QTMAN: variants seen among roughly 807,000 people sequenced by gnomAD.
The protein encoded by QTMAN is tRNA-queuosine alpha-mannosyltransferase.
the QTMAN span, chr2:144,178,818 G>A: frequency 1.6e-3 from 547 of 345,836 alleles, 1 homozygote; most frequent in Non-Finnish European, 2.3e-3. Flanking sequence ...AACTGATGCC[G>A]GAAGAAAAAG....
At chr2:144,241,301 T>TGGCCTGG in the QTMAN span, among the ~76,000 whole-genome samples, 1 of 152,222 alleles carries the variant, frequency 6.6e-6, no homozygotes, top group Non-Finnish European at 1.5e-5. Context: ...AGAGTAAGAA[T>TGGCCTGG]GGCCTGGTTT....
chr2:143,985,697 T>C, the QTMAN span, among the ~76,000 whole-genome samples: 1 of 152,210 alleles, frequency 6.6e-6, no homozygotes, highest in African/African-American at 2.4e-5. Context: ...GTGTATATTA[T>C]ATTAATTTAC....
the QTMAN span, among the ~76,000 whole-genome samples, chr2:144,215,749 T>C: frequency 4.5e-4 from 68 of 152,196 alleles, no homozygotes; most frequent in African/African-American, 1.5e-3. Flanking sequence ...TATGAATCAA[T>C]AGAAAGTTTT....
At chr2:144,289,497 T>C in the QTMAN span, among the ~76,000 whole-genome samples, 4 of 152,056 alleles carry the variant, frequency 2.6e-5, no homozygotes, top group East Asian at 5.8e-4. Context: ...ACAAAAAATA[T>C]AGTAAATGAA....
the QTMAN span, chr2:144,317,491 T>C: frequency 7.2e-5 from 11 of 152,278 alleles, no homozygotes; most frequent in African/African-American, 2.6e-4. Context: ...TACATTAATT[T>C]TTCTCCAAAA....
the QTMAN span, among the ~76,000 whole-genome samples, chr2:144,168,562 T>C: frequency 2.0e-5 from 3 of 152,288 alleles, no homozygotes; most frequent in East Asian, 5.8e-4. Flanking sequence ...TGATAATTAC[T>C]GAAGATAAAT....
At chr2:144,328,179 T>C in the QTMAN span, among the ~76,000 whole-genome samples, 1 of 152,096 alleles carries the variant, frequency 6.6e-6, no homozygotes, top group African/African-American at 2.4e-5. Flanking sequence ...TCGAACTCCT[T>C]ACCTCAGGTG....
At chr2:144,153,909 G>C in the QTMAN span, among the ~76,000 whole-genome samples, 1 of 152,080 alleles carries the variant, frequency 6.6e-6, no homozygotes, top group African/African-American at 2.4e-5. Context: ...CATTTTACTG[G>C]TTAAGAAATT....
the QTMAN span, among the ~76,000 whole-genome samples, chr2:144,068,309 T>C: frequency 1.3e-5 from 2 of 152,150 alleles, no homozygotes; most frequent in Non-Finnish European, 2.9e-5. Context: ...ATCAGCAAAA[T>C]ATTAAATGAA....
the QTMAN span, among the ~76,000 whole-genome samples, chr2:144,308,785 C>CA: frequency 6.4e-4 from 95 of 149,544 alleles, no homozygotes; most frequent in African/African-American, 2.2e-3. Flanking sequence ...TAGATATTAC[C>CA]AAAAAAAAAG....
the QTMAN span, among the ~76,000 whole-genome samples, chr2:144,287,044 G>T: frequency 6.6e-6 from 1 of 152,188 alleles, no homozygotes; most frequent in South Asian, 2.1e-4. Context: ...CAGAAAAACT[G>T]AAAATAGTTC....
the QTMAN span, among the ~76,000 whole-genome samples, chr2:144,005,469 CT>C: frequency 6.6e-6 from 1 of 152,060 alleles, no homozygotes; most frequent in Admixed American, 6.6e-5. Context: ...GTAAAATTGA[CT>C]GCACGCTAGA....
chr2:144,127,948 A>G, the QTMAN span: 754 of 152,176 alleles, frequency 5.0e-3, 3 homozygotes, highest in Non-Finnish European at 8.2e-3. Flanking sequence ...ACGCCTCATG[A>G]CGTCAGCCAG....
the QTMAN span, among the ~76,000 whole-genome samples, chr2:144,195,276 A>T: frequency 6.6e-6 from 1 of 152,132 alleles, no homozygotes; most frequent in Admixed American, 6.5e-5. Flanking sequence ...ACAGCAAAAA[A>T]GAAACTCCTG....
chr2:144,059,753 TC>T, the QTMAN span, among the ~76,000 whole-genome samples: 1 of 152,098 alleles, frequency 6.6e-6, no homozygotes, highest in African/African-American at 2.4e-5. Flanking sequence ...CTCCCCTTCT[TC>T]CCTGGGCTTA....
chr2:144,114,031 G>C, the QTMAN span, among the ~76,000 whole-genome samples: 1 of 152,150 alleles, frequency 6.6e-6, no homozygotes, highest in Non-Finnish European at 1.5e-5. Context: ...GCCCTTTGTG[G>C]CTTCTCACAT....
the QTMAN span, among the ~76,000 whole-genome samples, chr2:144,081,383 T>C: frequency 1.3e-5 from 2 of 152,188 alleles, no homozygotes; most frequent in Non-Finnish European, 2.9e-5. Context: ...GAGTCCAAAG[T>C]TAACTGTATG....
At chr2:144,290,608 T>C in the QTMAN span, among the ~76,000 whole-genome samples, 1 of 152,238 alleles carries the variant, frequency 6.6e-6, no homozygotes, top group African/African-American at 2.4e-5. Flanking sequence ...AATCTGCCCA[T>C]GTTCACTGTA....
the QTMAN span, among the ~76,000 whole-genome samples, chr2:144,062,869 G>A: frequency 2.0e-5 from 3 of 152,166 alleles, no homozygotes; most frequent in Admixed American, 6.5e-5. Context: ...TCCTTTGTAC[G>A]AGAAATTCAT....
Sources: allele counts gnomAD v4.1 joint callset (sites outside exome capture counted in the v4.1 genomes callset), GRCh38; gene constraint gnomAD v4.1.1; transcripts MANE v1.5; gene names NCBI Gene and HGNC (gene_info 2026-07-23, HGNC 2026-07-21).